GNAQ: variants seen among roughly 807,000 people sequenced by gnomAD.
GNAQ encodes G protein subunit alpha q.
Under a neutral mutation model 43.9 loss-of-function variants are expected in GNAQ, and 8 were observed. That is an observed-to-expected ratio of 0.18 (90% CI 0.11 to 0.33). The LOEUF is 0.33. Among genes scored for constraint, GNAQ ranks in the 10% least tolerant of loss-of-function variants. The pLI, the probability that GNAQ is intolerant of heterozygous loss-of-function variation, is 1.00. For synonymous variants in GNAQ, 155 were observed against 170.7 expected (o/e 0.91, Z 0.71); for missense variants, 158 against 450.8 (o/e 0.35, Z 5.88).
intron 2 of GNAQ, among the ~76,000 whole-genome samples, chr9:77,875,569 A>G (rs1240761790): frequency 6.6e-6 from 1 of 152,220 alleles, no homozygotes; most frequent in Non-Finnish European, 1.5e-5. Flanking sequence ...CACCTTGGGA[A>G]TGTCAACTTT....
intron 2 of GNAQ, among the ~76,000 whole-genome samples, chr9:77,857,640 A>AAAGGGGGGAAGGAGGG (rs1827778116): frequency 7.5e-6 from 1 of 133,458 alleles, no homozygotes; most frequent in African/African-American, 2.8e-5. Context: ...GGAAGGACGG[A>AAAGGGGGGAAGGAGGG]AAGGGGGGAA....
chr9:77,881,855 G>A (rs1793884707), intron 2 of GNAQ, among the ~76,000 whole-genome samples: 1 of 152,152 alleles, frequency 6.6e-6, no homozygotes, highest in South Asian at 2.1e-4. Context: ...ATGGCATTAT[G>A]GGCCGGGCAT....
In GNAQ at chr9:77,968,313, A is replaced by C. The variant is rs374462942; in HGVS notation, c.137-45968T>G. ...AATATTTCAGGACCACTTCAGATGA[A>C]ATTAAATCCCTACAGGCTAAATGAA... On this transcript the variant is annotated intron_variant, in intron 1 of 6. Coordinates refer to ENST00000286548, the MANE Select transcript of GNAQ (RefSeq NM_002072.5). Among the ~76,000 whole-genome samples the C allele has an allele frequency of 3.9e-5, 6 of 152,346 alleles. No homozygotes were observed. The South Asian group carries it at 6.2e-4, about 16-fold the overall frequency.
At chr9:77,792,204 C>T (rs10869970) in intron 5 of GNAQ, among the ~76,000 whole-genome samples, 81,531 of 151,914 alleles carry the variant, frequency 0.54, 24,689 homozygotes, top group Non-Finnish European at 0.68. Flanking sequence ...AAAGGAACAC[C>T]GTACAAGTTG....
At chr9:77,944,527 C>T (rs1479855103) in intron 1 of GNAQ, among the ~76,000 whole-genome samples, 1 of 152,162 alleles carries the variant, frequency 6.6e-6, no homozygotes, top group South Asian at 2.1e-4. Flanking sequence ...ACCTCTGAGG[C>T]CCCTCTGGTC....
chr9:77,984,658 G>T (rs565707700), intron 1 of GNAQ, among the ~76,000 whole-genome samples: 2 of 152,070 alleles, frequency 1.3e-5, no homozygotes, highest in East Asian at 3.9e-4. Context: ...AATTCCCTTG[G>T]TATAACATTA....
intron 5 of GNAQ, among the ~76,000 whole-genome samples, chr9:77,784,429 C>T (rs894038690): frequency 1.3e-5 from 2 of 151,906 alleles, no homozygotes; most frequent in African/African-American, 4.8e-5. Context: ...ATTTTATGTC[C>T]GTGGTTAGGT....
chr9:78,022,272 C>T (rs867638477), intron 1 of GNAQ, among the ~76,000 whole-genome samples: 16 of 152,194 alleles, frequency 1.1e-4, no homozygotes, highest in South Asian at 8.3e-4. Context: ...GTGGCCGAGA[C>T]GCCAAAGCTG....
chr9:77,882,687 G>C (rs1828234021), intron 2 of GNAQ, among the ~76,000 whole-genome samples: 1 of 151,580 alleles, frequency 6.6e-6, no homozygotes, highest in Non-Finnish European at 1.5e-5. Flanking sequence ...TGGTGAGATA[G>C]AAAAAAAGCA....
chr9:78,021,878 C>A (rs1471421363), intron 1 of GNAQ, among the ~76,000 whole-genome samples: 3 of 152,252 alleles, frequency 2.0e-5, no homozygotes, highest in African/African-American at 4.8e-5. Flanking sequence ...CAGTCCTGAG[C>A]CGAGCAGCGC....
chr9:77,955,152 T>G (rs1482959079), intron 1 of GNAQ, among the ~76,000 whole-genome samples: 6 of 152,196 alleles, frequency 3.9e-5, no homozygotes, highest in Non-Finnish European at 8.8e-5. Context: ...ATCTTTTTCT[T>G]GTTTTTTTGA....
At chr9:77,727,143 G>T (rs540719601) in intron 6 of GNAQ, among the ~76,000 whole-genome samples, 78 of 149,046 alleles carry the variant, frequency 5.2e-4, no homozygotes, top group African/African-American at 1.9e-3. Flanking sequence ...GGAGTATAGT[G>T]GCAGGATCAT....
At chr9:78,002,360 G>A (rs1010899631) in intron 1 of GNAQ, among the ~76,000 whole-genome samples, 2 of 152,030 alleles carry the variant, frequency 1.3e-5, no homozygotes, top group African/African-American at 4.8e-5. Flanking sequence ...ACAAAGAGAA[G>A]AACACACCCC....
intron 2 of GNAQ, among the ~76,000 whole-genome samples, chr9:77,906,150 T>G (rs931400080): frequency 5.9e-5 from 9 of 152,292 alleles, no homozygotes; most frequent in African/African-American, 2.2e-4. Flanking sequence ...ACCTGACATG[T>G]AATTAGTATC....
At chr9:78,019,895 G>A (rs1046072159) in intron 1 of GNAQ, among the ~76,000 whole-genome samples, 1 of 136,194 alleles carries the variant, frequency 7.3e-6, no homozygotes, top group Non-Finnish European at 1.5e-5. Flanking sequence ...CTGCACTCCA[G>A]CCTGGGTGAC....
intron 5 of GNAQ, among the ~76,000 whole-genome samples, chr9:77,730,858 C>A (rs1432924908): frequency 6.6e-6 from 1 of 151,874 alleles, no homozygotes; most frequent in Non-Finnish European, 1.5e-5. Context: ...TGTTTCAGGA[C>A]TGAAGACAAA....
chr9:77,955,811 T>C (rs1314493552), intron 1 of GNAQ, among the ~76,000 whole-genome samples: 1 of 152,214 alleles, frequency 6.6e-6, no homozygotes, highest in African/African-American at 2.4e-5. Flanking sequence ...CTAGTATAAC[T>C]CTGACTAAAT....
intron 5 of GNAQ, among the ~76,000 whole-genome samples, chr9:77,763,768 A>G (rs1826092299): frequency 6.6e-6 from 1 of 152,244 alleles, no homozygotes; most frequent in South Asian, 2.1e-4. Flanking sequence ...TAAGAAGCAA[A>G]GCACACTGGT....
Position 77,719,505 on chromosome 9 carries a change from C to T in GNAQ, c.*1818G>A, listed in dbSNP as rs544450874. The T allele has an allele frequency of 2.2e-5, 5 of 232,448 alleles. No homozygotes were observed. Among genetic ancestry groups the T allele is most frequent in the South Asian group, 3.6e-4 (2 of 5,522 alleles). 14.4% of individuals were successfully genotyped at this position (232,448 alleles called of 1,614,324 possible). The stretch of plus-strand genomic sequence containing the variant: ...ATGAGAACATCTCATTACTGTTGGG[C>T]GGCTTTGGTACTCATTTAACAGGCC... On this transcript the variant is annotated 3_prime_UTR_variant, in exon 7 of 7. Transcript: ENST00000286548.
Sources: gnomAD v4.1 joint callset for allele counts (sites outside exome capture counted in the v4.1 genomes callset) on GRCh38, gnomAD v4.1.1 for gene constraint, MANE v1.5 for transcripts, NCBI Gene and HGNC (gene_info 2026-07-23, HGNC 2026-07-21) for gene names.